The following SNX4 variants were observed in gnomAD, a reference collection of about 807,000 sequenced individuals.
The protein encoded by SNX4 is sorting nexin 4, also known as sorting nexin-4.
Under a neutral mutation model 70.8 loss-of-function variants are expected in SNX4, and 49 were observed. The ratio of observed to expected loss-of-function variants is 0.69; its 90% CI spans 0.55 to 0.88. The LOEUF (loss-of-function observed/expected upper bound fraction) is 0.88, where lower values mean the gene tolerates loss of function less well. Ranked by LOEUF, SNX4 falls within the 40% of genes least tolerant of loss-of-function variation. SNX4 has a pLI of 0.00. For missense variants in SNX4, 528 were observed against 544.8 expected (o/e 0.97, Z 0.31); for synonymous variants, 206 against 183.8 (o/e 1.12, Z -0.98).
intron 6 of SNX4, among the ~76,000 whole-genome samples, chr3:125,480,841 A>G (rs187521211): frequency 1.2e-3 from 178 of 152,196 alleles, no homozygotes; most frequent in Non-Finnish European, 1.8e-3. Flanking sequence ...CTGCCAATCA[A>G]CTTACACACT....
At chr3:125,517,376 G>A (rs1015230349) in intron 1 of SNX4, among the ~76,000 whole-genome samples, 1 of 152,130 alleles carries the variant, frequency 6.6e-6, no homozygotes, top group Non-Finnish European at 1.5e-5. Context: ...CACAGCACAC[G>A]CAAAACTAAC....
chr3:125,510,522 C>T (rs1935148098), intron 1 of SNX4, among the ~76,000 whole-genome samples: 1 of 152,188 alleles, frequency 6.6e-6, no homozygotes, highest in South Asian at 2.1e-4. Context: ...AGCCACCGCG[C>T]CCGGCTGAAT....
Position 125,495,377 on chromosome 3 carries a change from C to T in SNX4, c.597+1964G>A, listed in dbSNP as rs544051446. Among the ~76,000 whole-genome samples, 15 of 150,526 alleles carry T rather than the reference C, an allele frequency of 1.0e-4. No homozygotes were observed. The South Asian group carries it at 2.7e-3, about 27-fold the overall frequency. On this transcript the variant is annotated intron_variant, in intron 5 of 13. Coordinates refer to ENST00000251775, the MANE Select transcript of SNX4 (RefSeq NM_003794.4). Reference sequence around the variant, plus strand: ...GGCTATGCAAAAAGGTCCCATTTCCCTGATGGGAGGAAGGACTTAAAACAA... The same window carrying T: ...GGCTATGCAAAAAGGTCCCATTTCCTTGATGGGAGGAAGGACTTAAAACAA...
At chr3:125,519,944 G>GGCCCCCCC in intron 1 of SNX4, 88 bp downstream of exon 1, 1 of 1,055,902 alleles carries the variant, frequency 9.5e-7, no homozygotes, top group Middle Eastern at 2.9e-4. Flanking sequence ...CACTGGCCCG[G>GGCCCCCCC]CCCGGCCCAG....
chr3:125,509,806 A>G (rs1258031976), intron 1 of SNX4, among the ~76,000 whole-genome samples: 3 of 151,870 alleles, frequency 2.0e-5, no homozygotes, highest in Non-Finnish European at 4.4e-5. Flanking sequence ...AAAAATGAGC[A>G]AAGGACTTGA....
intron 11 of SNX4, among the ~76,000 whole-genome samples, chr3:125,455,539 A>C (rs1933688959): frequency 6.6e-6 from 1 of 152,180 alleles, no homozygotes; most frequent in African/African-American, 2.4e-5. Context: ...TTTTCCCTTG[A>C]CATGTAGGAT....
chr3:125,475,821 T>A (rs1213400374), intron 8 of SNX4, among the ~76,000 whole-genome samples: 1 of 151,610 alleles, frequency 6.6e-6, no homozygotes, highest in African/African-American at 2.4e-5. Flanking sequence ...TGCAAAAAAA[T>A]ACAAAAAGTA....
At chr3:125,498,372 T>G (rs778096212) in intron 2 of SNX4, among the ~76,000 whole-genome samples, 178 bp from the exon 3 acceptor site, 14 of 152,192 alleles carry the variant, frequency 9.2e-5, no homozygotes, top group Non-Finnish European at 1.5e-4. Flanking sequence ...CAGGTTGGAG[T>G]GCAGTGGTGC....
intron 13 of SNX4, among the ~76,000 whole-genome samples, chr3:125,451,016 A>G (rs1276967500): frequency 6.6e-6 from 1 of 152,208 alleles, no homozygotes; most frequent in Non-Finnish European, 1.5e-5. Context: ...CTGTAATTGC[A>G]GCACTTTGGG....
intron 2 of SNX4, among the ~76,000 whole-genome samples, chr3:125,502,020 T>C (rs1934940070): frequency 6.6e-6 from 1 of 152,314 alleles, no homozygotes; most frequent in Non-Finnish European, 1.5e-5. Flanking sequence ...ATCAAGGTTC[T>C]CTCCTAGCAG....
At chr3:125,494,742 T>TGAA (rs2107557143) in intron 5 of SNX4, among the ~76,000 whole-genome samples, 1 of 152,312 alleles carries the variant, frequency 6.6e-6, no homozygotes, top group South Asian at 2.1e-4. Context: ...GACCACATAC[T>TGAA]GAATTAAGAG....
At chr3:125,474,683 G>A (rs865928853) in intron 8 of SNX4, among the ~76,000 whole-genome samples, 2 of 152,056 alleles carry the variant, frequency 1.3e-5, no homozygotes, top group Admixed American at 6.6e-5. Flanking sequence ...AAACAAACCT[G>A]TACAATATTT....
intron 12 of SNX4, among the ~76,000 whole-genome samples, chr3:125,453,210 G>A (rs1025427653): frequency 1.3e-5 from 2 of 152,066 alleles, no homozygotes; most frequent in Admixed American, 1.3e-4. Context: ...ATTTAGCCAG[G>A]GATAGTCACA....
At chr3:125,495,275 T>TATATATATATATATATACACAC in intron 5 of SNX4, among the ~76,000 whole-genome samples, 1 of 83,046 alleles carries the variant, frequency 1.2e-5, no homozygotes, top group Non-Finnish European at 2.6e-5. Flanking sequence ...TATATATATA[T>TATATATATATATATATACACAC]ATACACATAC....
In SNX4 at chr3:125,503,310, A is replaced by T. The variant is rs1029854103; in HGVS notation, c.263+1313T>A. On this transcript the variant is annotated intron_variant, in intron 2 of 13. Transcript: ENST00000251775. Reference sequence around the variant, plus strand: ...CAATCTCTGCAGACAGAAAAGAAATAGTACACTATTCTTTATATAAATTGT... The same window carrying T: ...CAATCTCTGCAGACAGAAAAGAAATTGTACACTATTCTTTATATAAATTGT... Among the ~76,000 whole-genome samples the T allele has an allele frequency of 2.6e-5, 4 of 152,278 alleles. No individual in the cohort carries two copies. The South Asian group carries it at 8.3e-4, about 31-fold the overall frequency.
At chr3:125,469,911 T>C (rs1463916323) in intron 8 of SNX4, among the ~76,000 whole-genome samples, 1 of 152,216 alleles carries the variant, frequency 6.6e-6, no homozygotes. Context: ...AAATACTCCA[T>C]GTACGGCTCT....
chr3:125,515,866 G>A (rs1005568678), intron 1 of SNX4, among the ~76,000 whole-genome samples: 9 of 152,202 alleles, frequency 5.9e-5, no homozygotes, highest in African/African-American at 1.7e-4. Context: ...GGACAACAAA[G>A]TGAGACCTCT....
chr3:125,472,853 C>G (rs1043674121), intron 8 of SNX4, among the ~76,000 whole-genome samples: 1 of 152,092 alleles, frequency 6.6e-6, no homozygotes, highest in East Asian at 1.9e-4. Context: ...CAACTCACCT[C>G]TCCCCTGCCT....
At chr3:125,502,627 T>C (rs1279640095) in intron 2 of SNX4, among the ~76,000 whole-genome samples, 1 of 151,746 alleles carries the variant, frequency 6.6e-6, no homozygotes, top group Non-Finnish European at 1.5e-5. Flanking sequence ...TCCCAGCACT[T>C]TGGGAGGCCG....
Sources: allele counts gnomAD v4.1 joint callset (sites outside exome capture counted in the v4.1 genomes callset), GRCh38; gene constraint gnomAD v4.1.1; transcripts MANE v1.5; gene names NCBI Gene and HGNC (gene_info 2026-07-23, HGNC 2026-07-21).